SYNPO2: variants seen among roughly 807,000 people sequenced by gnomAD.
The protein encoded by SYNPO2 is synaptopodin-2.
A neutral mutation model predicts 85.0 loss-of-function variants in SYNPO2; 56 were observed. The observed-to-expected ratio is 0.66, with a 90% CI of 0.53 to 0.82. The LOEUF (loss-of-function observed/expected upper bound fraction) is 0.82, where lower values mean the gene tolerates loss of function less well. Ranked by LOEUF, SYNPO2 falls within the 40% of genes least tolerant of loss-of-function variation. The probability of loss-of-function intolerance (pLI) is 0.00; values close to 1 mark genes in which losing one functional copy is unlikely to be tolerated. For missense variants in SYNPO2, 1,575 were observed against 1,534.2 expected (o/e 1.03, Z -0.44); for synonymous variants, 602 against 591.1 (o/e 1.02, Z -0.27).
chr4:118,931,051 A>G lies in SYNPO2; in HGVS notation c.105+41910A>G, dbSNP rs538082024. The stretch of plus-strand genomic sequence containing the variant: ...TAAGGATTTAAATGAGTGCTATACA[A>G]TAAACATTATATTGTTATATTTATT... On this transcript the variant is annotated intron_variant, in intron 1 of 4. Coordinates refer to ENST00000307142, the MANE Select transcript of SYNPO2 (RefSeq NM_133477.3). 1.2e-3 allele frequency among the ~76,000 whole-genome samples: 190 copies of G among 152,326 alleles called. 1 individual carries two copies. Among genetic ancestry groups the G allele is most frequent in the African/African-American group, 4.4e-3 (181 of 41,566 alleles).
intron 1 of SYNPO2, among the ~76,000 whole-genome samples, chr4:119,019,678 A>G (rs925496954): frequency 6.6e-6 from 1 of 152,206 alleles, no homozygotes; most frequent in Admixed American, 6.5e-5. Flanking sequence ...AAACATCTAG[A>G]CGATAAAATT....
At chr4:118,879,432 G>A (rs575728950) in intron 1 of SYNPO2, among the ~76,000 whole-genome samples, 4 of 152,150 alleles carry the variant, frequency 2.6e-5, no homozygotes, top group Non-Finnish European at 5.9e-5. Context: ...TAGCTCATGA[G>A]GATAGAGCCC....
chr4:118,993,046 T>G (rs918512828), intron 1 of SYNPO2, among the ~76,000 whole-genome samples: 2 of 152,196 alleles, frequency 1.3e-5, no homozygotes, highest in Non-Finnish European at 2.9e-5. Flanking sequence ...GCAGAGTCGA[T>G]CTGCAAGATA....
intron 1 of SYNPO2, among the ~76,000 whole-genome samples, chr4:119,007,231 T>TATATGTATATAC (rs1737074102): frequency 1.6e-4 from 8 of 49,282 alleles, no homozygotes; most frequent in African/African-American, 7.5e-4. Context: ...TATATATATA[T>TATATGTATATAC]ATATATATAT....
At chr4:118,877,177 A>G (rs1456975670) in intron 1 of SYNPO2, among the ~76,000 whole-genome samples, 1 of 152,088 alleles carries the variant, frequency 6.6e-6, no homozygotes, top group African/African-American at 2.4e-5. Flanking sequence ...TTGCTCAAGA[A>G]TCTTATTTTA....
At chr4:119,037,419 A>T in intron 4 of SYNPO2, 1 of 1,167,638 alleles carries the variant, frequency 8.6e-7, no homozygotes, top group Non-Finnish European at 1.1e-6. Flanking sequence ...TAAACAGAAA[A>T]ATGTTCTTCT....
chr4:119,049,719 T>C (rs558801139), intron 4 of SYNPO2, among the ~76,000 whole-genome samples: 5 of 152,242 alleles, frequency 3.3e-5, no homozygotes, highest in Admixed American at 1.3e-4. Context: ...AGCTGTTTTA[T>C]TAACAAGCTG....
At chr4:119,025,601 C>G (rs1352561303) in intron 2 of SYNPO2, among the ~76,000 whole-genome samples, 2 of 151,976 alleles carry the variant, frequency 1.3e-5, no homozygotes, top group Non-Finnish European at 2.9e-5. Context: ...TGAGTAGAAT[C>G]CAAGTAGAAG....
chr4:119,002,666 G>A (rs889499337), intron 1 of SYNPO2, among the ~76,000 whole-genome samples: 5 of 152,070 alleles, frequency 3.3e-5, no homozygotes, highest in African/African-American at 1.2e-4. Context: ...TCATCCTGGG[G>A]ATTTCTCTTT....
intron 1 of SYNPO2, among the ~76,000 whole-genome samples, chr4:118,900,756 T>TATCA (rs1732725519): frequency 7.0e-6 from 1 of 143,510 alleles, no homozygotes; most frequent in Non-Finnish European, 1.5e-5. Flanking sequence ...TCTATCTATC[T>TATCA]ATCTATCTAT....
chr4:118,886,886 A>G (rs967349459), upstream of SYNPO2, among the ~76,000 whole-genome samples: 25 of 152,342 alleles, frequency 1.6e-4, no homozygotes, highest in African/African-American at 5.8e-4. Context: ...TGAGTCACAA[A>G]TAAAATCACT....
chr4:118,886,523 C>T (rs563897943), upstream of SYNPO2, among the ~76,000 whole-genome samples: 7 of 152,200 alleles, frequency 4.6e-5, no homozygotes, highest in East Asian at 5.8e-4. Context: ...TGTTCCTGTG[C>T]TAGTTTGCTG....
At chr4:118,956,222 A>G (rs1288893206) in intron 1 of SYNPO2, among the ~76,000 whole-genome samples, 1 of 152,222 alleles carries the variant, frequency 6.6e-6, no homozygotes, top group African/African-American at 2.4e-5. Context: ...GGGGGCTAAC[A>G]TAACCTTAGG....
rs74391697 is a variant in SYNPO2, at chr4:119,009,369, A to G, written c.106-14061A>G. Among the ~76,000 whole-genome samples, 297 of 152,302 alleles carry G rather than the reference A, an allele frequency of 2.0e-3. 1 individual carries two copies. Among genetic ancestry groups the G allele is most frequent in the African/African-American group, 6.8e-3 (281 of 41,560 alleles). ...ACAATAAGAAGCATATAGTTTAAATAAAAGAACATGCCAAAAAATCTTAAA... is the reference window on the plus strand; with the variant it reads ...ACAATAAGAAGCATATAGTTTAAATGAAAGAACATGCCAAAAAATCTTAAA... On this transcript the variant is annotated intron_variant, in intron 1 of 4. Transcript: ENST00000307142.
chr4:119,026,939 G>T lies in SYNPO2; in HGVS notation c.570G>T (p.Ala190=), dbSNP rs145473893. 1.5e-5 allele frequency: 25 copies of T among 1,614,134 alleles called. No homozygotes were observed. In the East Asian group the frequency reaches 3.1e-4, roughly 20 times the overall value. Residue 190 remains alanine, a synonymous_variant, in exon 3 of 5, where the codon GCG becomes GCT. Coordinates refer to ENST00000307142, the MANE Select transcript of SYNPO2 (RefSeq NM_133477.3). ...TGATCTTAAGGGAGAAGGTAGAAGC[G>T]GTACAGCCTGGGCCTGTGGTTGAGC... ...EELILREKVE[A]VQPGPVVELQ...
chr4:119,061,170 A>G lies in SYNPO2; in HGVS notation c.*3236A>G, dbSNP rs1739400637. The G allele has an allele frequency of 6.6e-6, 1 of 152,182 alleles. No individual in the cohort carries two copies. The highest frequency in any genetic ancestry group is 1.5e-5 in the Non-Finnish European group (1 of 68,012). 9.4% of individuals were successfully genotyped at this position (152,182 alleles called of 1,614,324 possible). On this transcript the variant is annotated 3_prime_UTR_variant, in exon 5 of 5. Coordinates refer to ENST00000307142, the MANE Select transcript of SYNPO2 (RefSeq NM_133477.3). ...TAGATTAACATTTCCACTTCTGTTT[A>G]TCACAAAAGACTGTATTTGAAATAT... is the stretch of plus-strand genomic sequence containing the variant.
At chr4:118,890,833 T>G (rs1732353180) in intron 1 of SYNPO2, among the ~76,000 whole-genome samples, 1 of 152,024 alleles carries the variant, frequency 6.6e-6, no homozygotes, top group South Asian at 2.1e-4. Flanking sequence ...TCTACGAAGC[T>G]CTGTCTTGCC....
intron 1 of SYNPO2, among the ~76,000 whole-genome samples, chr4:118,966,683 T>C (rs1023289527): frequency 2.6e-5 from 4 of 152,164 alleles, no homozygotes; most frequent in Non-Finnish European, 5.9e-5. Context: ...TGGGATGATA[T>C]AACCCAAAGC....
At chr4:118,929,777 G>A (rs1054762626) in intron 1 of SYNPO2, among the ~76,000 whole-genome samples, 15 of 152,062 alleles carry the variant, frequency 9.9e-5, no homozygotes, top group Admixed American at 9.2e-4. Context: ...TAGATCGATT[G>A]GTCTGGTTTA....
Sources: allele counts gnomAD v4.1 joint callset (sites outside exome capture counted in the v4.1 genomes callset), GRCh38; gene constraint gnomAD v4.1.1; transcripts MANE v1.5; gene names NCBI Gene and HGNC (gene_info 2026-07-23, HGNC 2026-07-21).